TMEM108: variants seen among roughly 807,000 people sequenced by gnomAD.
The protein encoded by TMEM108 is transmembrane protein 108, also known as cancer/testis antigen 124.
In TMEM108, 12 loss-of-function variants were observed where a neutral mutation model predicts 35.1. That is an observed-to-expected ratio of 0.34 (90% CI 0.22 to 0.55). The LOEUF (loss-of-function observed/expected upper bound fraction) is 0.55. Among genes scored for constraint, TMEM108 ranks in the 20% least tolerant of loss-of-function variants. The pLI, the probability that TMEM108 is intolerant of heterozygous loss-of-function variation, is 0.89. For missense variants in TMEM108, 680 were observed against 753.3 expected (o/e 0.90, Z 1.14); for synonymous variants, 287 against 308.6 (o/e 0.93, Z 0.73).
intron 2 of TMEM108, among the ~76,000 whole-genome samples, chr3:133,194,608 A>G (rs976381628): frequency 1.3e-5 from 2 of 152,032 alleles, no homozygotes; most frequent in Non-Finnish European, 2.9e-5. Flanking sequence ...AGGGGAACAA[A>G]TTCACTTTAT....
chr3:133,318,757 A>G (rs1329521407), intron 3 of TMEM108, among the ~76,000 whole-genome samples: 2 of 152,172 alleles, frequency 1.3e-5, no homozygotes, highest in Non-Finnish European at 2.9e-5. Context: ...AAGATGGTGA[A>G]TAGGAGACAG....
intron 2 of TMEM108, among the ~76,000 whole-genome samples, chr3:133,102,802 T>C (rs559142448): frequency 6.6e-6 from 1 of 152,254 alleles, no homozygotes; most frequent in East Asian, 1.9e-4. Context: ...ATGGTAGGCC[T>C]TAAAAGTCAA....
intron 2 of TMEM108, among the ~76,000 whole-genome samples, chr3:133,170,791 T>G (rs1945119502): frequency 6.6e-6 from 1 of 152,206 alleles, no homozygotes; most frequent in Admixed American, 6.5e-5. Context: ...TTTCTAGGAA[T>G]AGATGCCTTC....
At chr3:133,384,735 C>G (rs2073102304) in intron 4 of TMEM108, among the ~76,000 whole-genome samples, 1 of 152,184 alleles carries the variant, frequency 6.6e-6, no homozygotes, top group South Asian at 2.1e-4. Flanking sequence ...TGTCAGCGGT[C>G]TGAGTTTTCA....
At chr3:133,239,741 A>G (rs1433215254) in intron 3 of TMEM108, among the ~76,000 whole-genome samples, 1 of 152,220 alleles carries the variant, frequency 6.6e-6, no homozygotes, top group Admixed American at 6.5e-5. Flanking sequence ...TTGTAGACTT[A>G]TGAAGGGCTA....
At chr3:133,240,023 G>C (rs1576404529) in intron 3 of TMEM108, among the ~76,000 whole-genome samples, 2 of 152,308 alleles carry the variant, frequency 1.3e-5, no homozygotes, top group African/African-American at 2.4e-5. Flanking sequence ...GGGTTATAAA[G>C]CAAAAGGAAA....
intron 4 of TMEM108, chr3:133,387,728 T>C (rs1429091833): frequency 4.2e-6 from 3 of 718,786 alleles, no homozygotes; most frequent in Non-Finnish European, 5.1e-6. Flanking sequence ...CTGGCAGATG[T>C]ATGACTGCAT....
chr3:133,324,161 G>A (rs375699484), intron 3 of TMEM108, among the ~76,000 whole-genome samples: 98 of 152,070 alleles, frequency 6.4e-4, no homozygotes, highest in African/African-American at 2.3e-3. Flanking sequence ...TGAACAAAAA[G>A]ATAAATAGAT....
chr3:133,174,821 A>T (rs2107794386), intron 2 of TMEM108, among the ~76,000 whole-genome samples: 1 of 152,350 alleles, frequency 6.6e-6, no homozygotes, highest in African/African-American at 2.4e-5. Flanking sequence ...ACAAAGCTGG[A>T]TGGAGAATGA....
At chr3:133,158,347 A>T (rs1232672512) in intron 2 of TMEM108, among the ~76,000 whole-genome samples, 1 of 151,174 alleles carries the variant, frequency 6.6e-6, no homozygotes, top group East Asian at 2.0e-4. Context: ...ATGTGCCTGT[A>T]GTTGCAGCTA....
intron 3 of TMEM108, among the ~76,000 whole-genome samples, chr3:133,273,957 G>A (rs1225993893): frequency 1.3e-5 from 2 of 152,116 alleles, no homozygotes; most frequent in African/African-American, 4.8e-5. Flanking sequence ...GCAATCCTTC[G>A]GGGCTTATTT....
At chr3:133,132,718 C>G (rs1389243397) in intron 2 of TMEM108, among the ~76,000 whole-genome samples, 1 of 152,002 alleles carries the variant, frequency 6.6e-6, no homozygotes, top group Admixed American at 6.6e-5. Context: ...TTTCATAAGG[C>G]TATAATTGCC....
chr3:133,373,915 T>C (rs1483481066), intron 3 of TMEM108, among the ~76,000 whole-genome samples: 2 of 152,234 alleles, frequency 1.3e-5, no homozygotes, highest in African/African-American at 2.4e-5. Flanking sequence ...TCTTGGGTGA[T>C]TGCAGTCCAG....
intron 2 of TMEM108, among the ~76,000 whole-genome samples, chr3:133,185,497 C>T (rs1481779276): frequency 6.7e-6 from 1 of 150,184 alleles, no homozygotes; most frequent in Non-Finnish European, 1.5e-5. Flanking sequence ...ATCATTTACC[C>T]ATCTAGTAGC....
intron 2 of TMEM108, among the ~76,000 whole-genome samples, chr3:133,187,214 T>A (rs1945433573): frequency 6.6e-6 from 1 of 152,218 alleles, no homozygotes; most frequent in African/African-American, 2.4e-5. Flanking sequence ...TTTTATCTTA[T>A]ATTTTAATAT....
intron 2 of TMEM108, among the ~76,000 whole-genome samples, chr3:133,085,837 G>T (rs1182044077): frequency 6.6e-6 from 1 of 151,686 alleles, no homozygotes; most frequent in Non-Finnish European, 1.5e-5. Context: ...AAAATTGAAA[G>T]CCATTAGTAA....
At chr3:133,243,584 G>T (rs929120439) in intron 3 of TMEM108, among the ~76,000 whole-genome samples, 2 of 151,968 alleles carry the variant, frequency 1.3e-5, no homozygotes, top group Non-Finnish European at 2.9e-5. Flanking sequence ...AGAGTGGCGC[G>T]ATCTCGGCTC....
At chr3:133,384,765 G>C (rs1324906078) in intron 4 of TMEM108, among the ~76,000 whole-genome samples, 1 of 152,178 alleles carries the variant, frequency 6.6e-6, no homozygotes, top group Non-Finnish European at 1.5e-5. Context: ...CAGTTTTGTG[G>C]CTCTGTCAGG....
chr3:133,153,690 C>A (rs2107770279), intron 2 of TMEM108, among the ~76,000 whole-genome samples: 1 of 152,284 alleles, frequency 6.6e-6, no homozygotes, highest in Non-Finnish European at 1.5e-5. Flanking sequence ...CAGAAAAAAT[C>A]TGCCTTTGGG....
Sources: gnomAD v4.1 joint callset for allele counts (sites outside exome capture counted in the v4.1 genomes callset) on GRCh38, gnomAD v4.1.1 for gene constraint, MANE v1.5 for transcripts, NCBI Gene and HGNC (gene_info 2026-07-23, HGNC 2026-07-21) for gene names.